Variants in RPRD1A observed in about 807,000 individuals in gnomAD.
RPRD1A encodes regulation of nuclear pre-mRNA domain containing 1A, also known as regulation of nuclear pre-mRNA domain-containing protein 1A.
In RPRD1A, 9 loss-of-function variants were observed where a neutral mutation model predicts 37.8. The observed-to-expected ratio is 0.24, with a 90% CI of 0.14 to 0.42. The LOEUF is 0.42. Among genes scored for constraint, RPRD1A ranks in the 10% least tolerant of loss-of-function variants. The pLI, the probability that RPRD1A is intolerant of heterozygous loss-of-function variation, is 1.00. For missense variants in RPRD1A, 255 were observed against 371.0 expected, an observed-to-expected ratio of 0.69 and a Z score of 2.57; for synonymous variants, 138 against 139.7, an observed-to-expected ratio of 0.99 and a Z score of 0.08.
Position 36,028,173 on chromosome 18 carries a change from A to G in RPRD1A, c.487-863T>C, listed in dbSNP as rs368817635. 5 of 152,132 alleles carry G rather than the reference A, an allele frequency of 3.3e-5. No individual in the cohort carries two copies. In the East Asian group the frequency reaches 7.7e-4, roughly 23 times the overall value. 9.4% of individuals were successfully genotyped at this position (152,132 alleles called of 1,614,324 possible). ...CTAGATTCAGAAACACTAGGAAATT[A>G]CACATATGCTTTAAAAAATATAGGA... is the stretch of plus-strand genomic sequence containing the variant. On this transcript the variant is annotated intron_variant, in intron 4 of 6. Transcript: ENST00000399022.
chr18:36,024,263 CAGCCTCCCAAGT>C (rs1408152996), intron 6 of RPRD1A, among the ~76,000 whole-genome samples: 1 of 151,710 alleles, frequency 6.6e-6, no homozygotes, highest in Non-Finnish European at 1.5e-5. Flanking sequence ...CCTGCTGCCT[CAGCCTCCCAAGT>C]AGCTGGGACT....
chr18:36,050,535 A>C (rs79230914), intron 1 of RPRD1A, among the ~76,000 whole-genome samples: 2 of 152,258 alleles, frequency 1.3e-5, no homozygotes, highest in South Asian at 2.1e-4. Context: ...TAAAAAAAAA[A>C]CTACACTTCA....
chr18:36,025,503 G>C (rs528263917), intron 6 of RPRD1A: 133 of 538,964 alleles, frequency 2.5e-4, no homozygotes, highest in Non-Finnish European at 3.6e-4. Context: ...TTTGTAAACA[G>C]TGACAAATGA....
At chr18:36,012,787 G>C (rs976199543) in intron 6 of RPRD1A, among the ~76,000 whole-genome samples, 25 of 152,164 alleles carry the variant, frequency 1.6e-4, no homozygotes, top group African/African-American at 6.0e-4. Flanking sequence ...ACTGAAGTTT[G>C]TTTAAATAGT....
intron 4 of RPRD1A, among the ~76,000 whole-genome samples, chr18:36,030,421 T>C (rs1297876303): frequency 6.6e-6 from 1 of 151,536 alleles, no homozygotes; most frequent in Non-Finnish European, 1.5e-5. Flanking sequence ...AGGCAGAGGT[T>C]GCAGTGAGCC....
At chr18:36,041,710 C>T (rs908842311) in intron 1 of RPRD1A, among the ~76,000 whole-genome samples, 4 of 152,174 alleles carry the variant, frequency 2.6e-5, no homozygotes, top group South Asian at 2.1e-4. Flanking sequence ...GTGGGGAAGA[C>T]GTGTTCCTAT....
chr18:36,055,159 T>A (rs188516919), intron 1 of RPRD1A, among the ~76,000 whole-genome samples: 1 of 152,250 alleles, frequency 6.6e-6, no homozygotes, highest in East Asian at 1.9e-4. Context: ...GATATTCAAC[T>A]AAGAAAAGTG....
intron 6 of RPRD1A, among the ~76,000 whole-genome samples, chr18:36,022,090 TAGA>T (rs1013699305): frequency 3.9e-5 from 6 of 152,192 alleles, no homozygotes; most frequent in African/African-American, 1.4e-4. Context: ...GTAGTCTGGA[TAGA>T]AGATCAAACC....
intron 6 of RPRD1A, among the ~76,000 whole-genome samples, chr18:36,010,707 G>A (rs930896467): frequency 6.6e-6 from 1 of 152,160 alleles, no homozygotes; most frequent in Non-Finnish European, 1.5e-5. Context: ...GGGGAATATG[G>A]GGAGGAGAAA....
At chr18:36,044,555 G>A (rs1327623618) in intron 1 of RPRD1A, among the ~76,000 whole-genome samples, 2 of 152,054 alleles carry the variant, frequency 1.3e-5, no homozygotes, top group Admixed American at 1.3e-4. Flanking sequence ...AGGCATGGTG[G>A]TGCACACCTG....
intron 2 of RPRD1A, among the ~76,000 whole-genome samples, chr18:36,033,326 G>A (rs200581279): frequency 0.016 from 1,281 of 78,436 alleles, 19 homozygotes; most frequent in African/African-American, 0.055. Flanking sequence ...AAAAAAAAAA[G>A]AATAGAAACA....
At chr18:36,022,838 T>C (rs1387067127) in intron 6 of RPRD1A, among the ~76,000 whole-genome samples, 1 of 152,232 alleles carries the variant, frequency 6.6e-6, no homozygotes, top group African/African-American at 2.4e-5. Flanking sequence ...GGCACACACC[T>C]GCAGTCCTAG....
At position 36,013,352 on chromosome 18, in the gene RPRD1A, G is replaced by C. The variant is rs994373242; in HGVS notation, c.789+13548C>G. Among the ~76,000 whole-genome samples the C allele has an allele frequency of 3.9e-5, 6 of 152,004 alleles. No homozygotes were observed. The South Asian group carries it at 1.2e-3, about 32-fold the overall frequency. On this transcript the variant is annotated intron_variant, in intron 6 of 6. Transcript: ENST00000399022. ...TAGTGAAGGAAAATGAGAAAAGTGAGGCAAAACAAAAGATGAGCAGCGTGA... is the reference window on the plus strand; with the variant it reads ...TAGTGAAGGAAAATGAGAAAAGTGACGCAAAACAAAAGATGAGCAGCGTGA...
At chr18:36,043,335 A>C (rs1461851214) in intron 1 of RPRD1A, among the ~76,000 whole-genome samples, 2 of 152,090 alleles carry the variant, frequency 1.3e-5, no homozygotes, top group Non-Finnish European at 2.9e-5. Context: ...TACTCCACCA[A>C]CTGACTTTGT....
chr18:36,033,299 C>CCAAAAAAAAAAAAAAAAAAAAAAA (rs1348356259), intron 2 of RPRD1A, among the ~76,000 whole-genome samples: 4 of 75,940 alleles, frequency 5.3e-5, no homozygotes, highest in African/African-American at 2.3e-4. Context: ...GACTCTGTCT[C>CCAAAAAAAAAAAAAAAAAAAAAAA]AAAAAAAAAA....
chr18:35,992,982 C>CAAT lies in RPRD1A; in HGVS notation c.*166_*168dup. 2.1e-6 allele frequency: 1 copy of CAAT among 481,442 alleles called. No homozygotes were observed. The highest frequency in any genetic ancestry group is 3.4e-6 in the Non-Finnish European group (1 of 291,986). The allele number at this position is 481,442 out of a possible 1,614,324, so 29.8% of individuals were successfully genotyped here. ...TTCAAATTAAGTCATGTTAATTTAC[C>CAAT]AATAAAATAGTAAACAAACCAACAT... On this transcript the variant is annotated 3_prime_UTR_variant, in exon 7 of 7. Coordinates refer to ENST00000399022, the MANE Select transcript of RPRD1A (RefSeq NM_018170.5).
chr18:36,057,605 C>T (rs561042433), intron 1 of RPRD1A, among the ~76,000 whole-genome samples: 3 of 152,126 alleles, frequency 2.0e-5, no homozygotes, highest in East Asian at 3.9e-4. Flanking sequence ...GAGTAAGACC[C>T]TGTCTCAAAA....
chr18:36,054,534 G>C (rs1289201120), intron 1 of RPRD1A, among the ~76,000 whole-genome samples: 1 of 152,126 alleles, frequency 6.6e-6, no homozygotes, highest in Non-Finnish European at 1.5e-5. Context: ...AGTAAATCTA[G>C]ATGAAGTGCT....
intron 1 of RPRD1A, among the ~76,000 whole-genome samples, chr18:36,039,641 T>C (rs972216032): frequency 2.6e-5 from 4 of 152,360 alleles, no homozygotes; most frequent in Admixed American, 6.5e-5. Flanking sequence ...GTACATACCA[T>C]ATGTATACTC....
Sources: allele counts gnomAD v4.1 joint callset (sites outside exome capture counted in the v4.1 genomes callset), GRCh38; gene constraint gnomAD v4.1.1; transcripts MANE v1.5; gene names NCBI Gene and HGNC (gene_info 2026-07-23, HGNC 2026-07-21).